The following GABARAPL2 variants were observed in gnomAD, a reference collection of about 807,000 sequenced individuals.
GABARAPL2 encodes GABA type A receptor associated protein like 2.
A neutral mutation model predicts 16.9 loss-of-function variants in GABARAPL2; 11 were observed. The observed-to-expected ratio is 0.65, with a 90% CI of 0.41 to 1.08. The LOEUF is 1.08. Ranked by LOEUF, GABARAPL2 falls within the 50% of genes least tolerant of loss-of-function variation. GABARAPL2 has a pLI of 0.00. For synonymous variants in GABARAPL2, 57 were observed against 50.7 expected (o/e 1.12, Z -0.53); for missense variants, 134 against 142.5 (o/e 0.94, Z 0.30).
chr16:75,566,651 TG>T (rs2080884834), intron 1 of GABARAPL2, 131 bp downstream of exon 1: 1 of 1,099,692 alleles, frequency 9.1e-7, no homozygotes, highest in South Asian at 1.4e-5. Flanking sequence ...GCCCATGCCC[TG>T]GTGCCTCGGG....
Position 75,577,423 on chromosome 16 carries a change from CA to C in GABARAPL2, c.*55del. 1 of 995,674 alleles carries C rather than the reference CA, an allele frequency of 1.0e-6. No homozygotes were observed. The highest frequency in any genetic ancestry group is 1.3e-5 in the South Asian group (1 of 78,552). 61.7% of individuals were successfully genotyped at this position (995,674 alleles called of 1,614,324 possible). On this transcript the variant is annotated 3_prime_UTR_variant, in exon 4 of 4. Transcript: ENST00000037243. ...ACTGCTTGTGTATCTTGTAAATAGC[CA>C]GCCATTTTCAGTTATTATACCAGAA...
intron 3 of GABARAPL2, chr16:75,576,268 A>G (rs1430153031): frequency 6.6e-6 from 1 of 152,180 alleles, no homozygotes; most frequent in African/African-American, 2.4e-5. Context: ...AAAAAACTCA[A>G]AACCTCCCCC....
chr16:75,577,220 T>C, intron 3 of GABARAPL2, 59 bp from the exon 4 acceptor site: 2 of 1,045,300 alleles, frequency 1.9e-6, no homozygotes, highest in Non-Finnish European at 3.0e-6. Flanking sequence ...CAGGCCATCC[T>C]TTTTCTCCTG....
intron 3 of GABARAPL2, among the ~76,000 whole-genome samples, chr16:75,569,590 C>G (rs1396735578): frequency 4.6e-5 from 7 of 152,172 alleles, no homozygotes; most frequent in African/African-American, 7.2e-5. Flanking sequence ...TTTGTACTTC[C>G]TGGAGGTGTT....
intron 3 of GABARAPL2, among the ~76,000 whole-genome samples, chr16:75,573,351 G>T (rs541452812): frequency 6.6e-6 from 1 of 152,350 alleles, no homozygotes; most frequent in South Asian, 2.1e-4. Context: ...TATGCAGTCA[G>T]ATCCCGTAAG....
At chr16:75,574,797 G>A (rs1016021367) in intron 3 of GABARAPL2, among the ~76,000 whole-genome samples, 2 of 150,378 alleles carry the variant, frequency 1.3e-5, no homozygotes, top group Non-Finnish European at 2.9e-5. Flanking sequence ...GGCCGGACAC[G>A]GTGGCTCACC....
intron 3 of GABARAPL2, chr16:75,575,573 C>T (rs1202966220): frequency 1.3e-5 from 2 of 152,372 alleles, no homozygotes; most frequent in African/African-American, 4.8e-5. Context: ...CCTCAGCCTC[C>T]TGAATAGCTG....
chr16:75,574,708 C>T (rs535311480), intron 3 of GABARAPL2, among the ~76,000 whole-genome samples: 1 of 152,074 alleles, frequency 6.6e-6, no homozygotes, highest in Non-Finnish European at 1.5e-5. Flanking sequence ...CTTCTCCCCC[C>T]CAACAAAAGG....
At chr16:75,576,442 G>C (rs1334796892) in intron 3 of GABARAPL2, 4 of 152,216 alleles carry the variant, frequency 2.6e-5, no homozygotes, top group African/African-American at 9.7e-5. Context: ...AGGATCTGTT[G>C]TGACTTACCT....
intron 3 of GABARAPL2, among the ~76,000 whole-genome samples, chr16:75,570,605 T>C (rs567174012): frequency 6.6e-6 from 1 of 152,304 alleles, no homozygotes; most frequent in East Asian, 1.9e-4. Flanking sequence ...TGTCTGAGGC[T>C]GAAGGGGAGT....
chr16:75,567,951 C>G, intron 2 of GABARAPL2, 86 bp from the exon 3 acceptor site: 1 of 1,022,088 alleles, frequency 9.8e-7, no homozygotes, highest in Non-Finnish European at 1.5e-6. Flanking sequence ...CCTCCTTGCC[C>G]ACACTCTGTT....
At chr16:75,566,788 G>A (rs533523125) in intron 1 of GABARAPL2, 64 bp from the exon 2 acceptor site, 21 of 1,458,122 alleles carry the variant, frequency 1.4e-5, no homozygotes, top group Admixed American at 3.3e-5. Context: ...GAGGAGGAGG[G>A]CCGGGGGCCG....
Position 75,577,328 on chromosome 16 carries a change from T to C in GABARAPL2, c.313T>C (p.Leu105=), listed in dbSNP as rs2080955762. 8 of 1,613,120 alleles carry C rather than the reference T, an allele frequency of 5.0e-6. No individual in the cohort carries two copies. In the East Asian group the frequency reaches 1.8e-4, roughly 36 times the overall value. ...GAAGGAAAAAGATGAAGATGGATTC[T>C]TATATGTGGCCTACAGCGGAGAGAA... ...YEKEKDEDGF[L]YVAYSGENTF... The change falls in exon 4 of 4, where the codon TTA becomes CTA. Residue 105 remains leucine, a synonymous_variant. Coordinates refer to ENST00000037243, the MANE Select transcript of GABARAPL2 (RefSeq NM_007285.7).
chr16:75,566,803 C>G, intron 1 of GABARAPL2, 49 bp from the exon 2 acceptor site: 1 of 1,562,580 alleles, frequency 6.4e-7, no homozygotes. Context: ...GGGCCGGGAA[C>G]CGACCGGTGG....
chr16:75,571,400 A>G (rs189664326), intron 3 of GABARAPL2, among the ~76,000 whole-genome samples: 269 of 152,332 alleles, frequency 1.8e-3, no homozygotes, highest in African/African-American at 6.1e-3. Flanking sequence ...TGTTTTGGAA[A>G]TGAAAAGTGA....
At chr16:75,569,974 A>C (rs1393299631) in intron 3 of GABARAPL2, among the ~76,000 whole-genome samples, 1 of 152,028 alleles carries the variant, frequency 6.6e-6, no homozygotes, top group Non-Finnish European at 1.5e-5. Flanking sequence ...CCAGCTCCTG[A>C]CCCTTCAGGA....
intron 3 of GABARAPL2, among the ~76,000 whole-genome samples, chr16:75,573,922 G>A (rs1411824979): frequency 6.6e-6 from 1 of 152,184 alleles, no homozygotes; most frequent in Non-Finnish European, 1.5e-5. Context: ...TTGTTTTGAG[G>A]ATAAAGAGTT....
chr16:75,568,114 T>G lies in GABARAPL2; in HGVS notation c.168T>G (p.Thr56=). The G allele has an allele frequency of 6.2e-7, 1 of 1,612,534 alleles. No homozygotes were observed. Among genetic ancestry groups the G allele is most frequent in the South Asian group, 1.1e-5 (1 of 91,056 alleles). Residue 56 remains threonine (T), a synonymous_variant, in exon 3 of 4, where the codon ACT becomes ACG. Coordinates refer to ENST00000037243, the MANE Select transcript of GABARAPL2 (RefSeq NM_007285.7). Reference sequence around the variant, plus strand: ...AGTACTTGGTTCCATCTGATATCACTGTGGCTCAGTTCATGTGGATCATCA... The same window carrying G: ...AGTACTTGGTTCCATCTGATATCACGGTGGCTCAGTTCATGTGGATCATCA... ...KRKYLVPSDI[T]VAQFMWIIRK... is the part of the protein sequence containing the mutation.
intron 3 of GABARAPL2, among the ~76,000 whole-genome samples, chr16:75,573,545 G>C (rs1196198447): frequency 1.3e-5 from 2 of 152,214 alleles, no homozygotes; most frequent in Non-Finnish European, 2.9e-5. Context: ...AGAAATTGTT[G>C]GATTCTTAAG....
Sources: allele counts gnomAD v4.1 joint callset (sites outside exome capture counted in the v4.1 genomes callset), GRCh38; gene constraint gnomAD v4.1.1; transcripts MANE v1.5; gene names NCBI Gene and HGNC (gene_info 2026-07-23, HGNC 2026-07-21).